The following DNAJC24 variants were observed in gnomAD, a reference collection of about 807,000 sequenced individuals.
DNAJC24 encodes the protein DnaJ heat shock protein family (Hsp40) member C24, also known as dnaJ homolog subfamily C member 24.
A neutral mutation model predicts 18.0 loss-of-function variants in DNAJC24; 17 were observed. That is an observed-to-expected ratio of 0.94 (90% CI 0.65 to 1.42). The LOEUF (loss-of-function observed/expected upper bound fraction) is 1.42. Ranked by LOEUF, DNAJC24 falls within the 40% of genes most tolerant of loss-of-function variation. The pLI is 0.00. For missense variants in DNAJC24, 158 were observed against 175.6 expected (o/e 0.90, Z 0.57); for synonymous variants, 55 against 57.7 (o/e 0.95, Z 0.21).
At chr11:31,428,953 T>G (rs528842369) in intron 4 of DNAJC24, among the ~76,000 whole-genome samples, 6 of 152,250 alleles carry the variant, frequency 3.9e-5, no homozygotes, top group African/African-American at 1.4e-4. Flanking sequence ...CAAATTGTTT[T>G]TCAGGGTTCA....
At chr11:31,412,950 C>A (rs1160102813) in intron 2 of DNAJC24, among the ~76,000 whole-genome samples, 1 of 152,190 alleles carries the variant, frequency 6.6e-6, no homozygotes, top group African/African-American at 2.4e-5. Context: ...AACTTACATA[C>A]ATTACAAATT....
chr11:31,429,311 G>A (rs1409905919), intron 4 of DNAJC24, among the ~76,000 whole-genome samples: 1 of 151,822 alleles, frequency 6.6e-6, no homozygotes, highest in Non-Finnish European at 1.5e-5. Context: ...GTACAAGGCA[G>A]TGGAATTTTT....
intron 2 of DNAJC24, among the ~76,000 whole-genome samples, chr11:31,381,100 T>C (rs1952372722): frequency 6.6e-6 from 1 of 152,180 alleles, no homozygotes; most frequent in Non-Finnish European, 1.5e-5. Context: ...ATGGGTTTTA[T>C]ATGATTAAAA....
At chr11:31,373,834 G>A (rs1313914525) in intron 2 of DNAJC24, among the ~76,000 whole-genome samples, 8 of 134,426 alleles carry the variant, frequency 6.0e-5, no homozygotes, top group African/African-American at 2.0e-4. Flanking sequence ...TTATTTCTAG[G>A]TATTTGGTTT....
At chr11:31,407,283 G>A (rs930355936) in intron 2 of DNAJC24, among the ~76,000 whole-genome samples, 2 of 152,024 alleles carry the variant, frequency 1.3e-5, no homozygotes, top group African/African-American at 4.8e-5. Context: ...TATATTTTAT[G>A]TATCAAAACA....
At chr11:31,406,157 A>G (rs1432153271) in intron 2 of DNAJC24, among the ~76,000 whole-genome samples, 1 of 152,022 alleles carries the variant, frequency 6.6e-6, no homozygotes, top group Admixed American at 6.6e-5. Context: ...TGTTTCCTCT[A>G]TATCTCATTC....
chr11:31,430,411 C>T lies in DNAJC24; in HGVS notation c.*10C>T. Reference sequence around the variant, plus strand: ...CCTTCATTATAACTAAAATTGTTCACAACTTGAAATGCTTTAACTGTGGTA... The same window carrying T: ...CCTTCATTATAACTAAAATTGTTCATAACTTGAAATGCTTTAACTGTGGTA... On this transcript the variant is annotated 3_prime_UTR_variant, in exon 5 of 5. Transcript: ENST00000465995. 6.2e-7 allele frequency: 1 copy of T among 1,601,048 alleles called. No individual in the cohort carries two copies. The highest frequency in any genetic ancestry group is 8.5e-7 in the Non-Finnish European group (1 of 1,172,232).
chr11:31,410,379 T>C (rs1952696732), intron 2 of DNAJC24, among the ~76,000 whole-genome samples: 1 of 152,224 alleles, frequency 6.6e-6, no homozygotes, highest in Admixed American at 6.5e-5. Context: ...TTTTAATTAG[T>C]TTTGTCTTTT....
In DNAJC24 at chr11:31,432,285, T is replaced by G; in HGVS notation, c.*1884T>G. On this transcript the variant is annotated 3_prime_UTR_variant, in exon 5 of 5. Transcript: ENST00000465995. ...CCCCTCCCACAATATTTTTGTATCA[T>G]AAAATTTAGATGACTTTTTTGGGTT... 2.1e-6 allele frequency: 1 copy of G among 479,298 alleles called. No individual in the cohort carries two copies. The highest frequency in any genetic ancestry group is 3.7e-5 in the South Asian group (1 of 27,046). The allele number at this position is 479,298 out of a possible 1,614,324, so 29.7% of individuals were successfully genotyped here.
intron 2 of DNAJC24, among the ~76,000 whole-genome samples, chr11:31,371,529 C>G (rs970321706): frequency 7.6e-4 from 116 of 151,802 alleles, no homozygotes; most frequent in African/African-American, 2.7e-3. Context: ...TCTACTATAT[C>G]CTTTAATAAA....
intron 2 of DNAJC24, among the ~76,000 whole-genome samples, chr11:31,381,287 T>C (rs1378379731): frequency 2.0e-5 from 3 of 152,174 alleles, no homozygotes; most frequent in African/African-American, 7.2e-5. Flanking sequence ...CTCTTCTTAA[T>C]AATTATAATA....
At chr11:31,401,436 GT>G (rs1307630349) in intron 2 of DNAJC24, among the ~76,000 whole-genome samples, 4 of 151,344 alleles carry the variant, frequency 2.6e-5, no homozygotes, top group African/African-American at 9.7e-5. Context: ...CTCCTCTTCT[GT>G]TTTCTTATTC....
rs559918901 is a variant in DNAJC24 at position 31,414,943 on chromosome 11, C to T, written c.244C>T (p.Arg82Trp). ...EETKREYDLQRCEDDLRNVGP... is the reference protein window; with the variant it reads ...EETKREYDLQWCEDDLRNVGP... ...GACAAAAAGAGAGTATGACCTGCAG[C>T]GGTGTGGTAGGTGCTTGTGTTGAGG... Residue 82 changes from arginine (R) to tryptophan (W), a missense_variant, in exon 3 of 5, where the codon CGG becomes TGG. By Grantham distance (101) the Arg-to-Trp change is moderately radical. Coordinates refer to ENST00000465995, the MANE Select transcript of DNAJC24 (RefSeq NM_181706.5). 4 of 1,612,902 alleles carry T rather than the reference C, an allele frequency of 2.5e-6. No individual in the cohort carries two copies. The highest frequency in any genetic ancestry group is 2.7e-5 in the African/African-American group (2 of 74,992).
At chr11:31,413,236 A>T (rs1952724518) in intron 2 of DNAJC24, among the ~76,000 whole-genome samples, 1 of 152,198 alleles carries the variant, frequency 6.6e-6, no homozygotes, top group Non-Finnish European at 1.5e-5. Flanking sequence ...AAATTAAAAA[A>T]AAACTATTCT....
chr11:31,422,339 G>C (rs1444212309), intron 3 of DNAJC24, among the ~76,000 whole-genome samples: 1 of 152,128 alleles, frequency 6.6e-6, no homozygotes, highest in Admixed American at 6.5e-5. Flanking sequence ...AAAAGAATCA[G>C]GAATCTTTTA....
chr11:31,396,911 C>A (rs904534318), intron 2 of DNAJC24, among the ~76,000 whole-genome samples: 2 of 152,138 alleles, frequency 1.3e-5, no homozygotes, highest in Non-Finnish European at 2.9e-5. Flanking sequence ...AACTCTAATA[C>A]CCATTTTAGT....
At chr11:31,405,344 A>C (rs948346273) in intron 2 of DNAJC24, among the ~76,000 whole-genome samples, 2 of 150,766 alleles carry the variant, frequency 1.3e-5, no homozygotes, top group African/African-American at 4.9e-5. Context: ...TGCTGGGATT[A>C]CAGGCATGAG....
At chr11:31,407,557 T>G (rs565919158) in intron 2 of DNAJC24, 6 of 151,466 alleles carry the variant, frequency 4.0e-5, no homozygotes, top group African/African-American at 1.2e-4. Context: ...CGGTGGTATA[T>G]GCCTGTGGTT....
intron 2 of DNAJC24, among the ~76,000 whole-genome samples, chr11:31,414,422 T>C (rs1403556918): frequency 6.6e-6 from 1 of 152,192 alleles, no homozygotes; most frequent in African/African-American, 2.4e-5. Context: ...GGTAGGCACA[T>C]TGTGTAAGGA....
Sources: allele counts gnomAD v4.1 joint callset (sites outside exome capture counted in the v4.1 genomes callset), GRCh38; gene constraint gnomAD v4.1.1; transcripts MANE v1.5; gene names NCBI Gene and HGNC (gene_info 2026-07-23, HGNC 2026-07-21).